The following FRMD4A variants were observed in gnomAD, a reference collection of about 807,000 sequenced individuals.
FRMD4A encodes the protein FERM domain containing 4A, also known as FERM domain-containing protein 4A.
FRMD4A carries 29 observed loss-of-function variants against 129.1 expected under a neutral mutation model. The ratio of observed to expected loss-of-function variants is 0.22; its 90% CI spans 0.17 to 0.31. The LOEUF (loss-of-function observed/expected upper bound fraction) is 0.31, where lower values mean the gene tolerates loss of function less well. Among genes scored for constraint, FRMD4A ranks in the 10% least tolerant of loss-of-function variants. FRMD4A has a pLI of 1.00. For missense variants in FRMD4A, 1,272 were observed against 1,375.8 expected (o/e 0.92, Z 1.19); for synonymous variants, 634 against 571.6 (o/e 1.11, Z -1.56).
At chr10:13,672,821 C>T (rs912702855) in intron 16 of FRMD4A, among the ~76,000 whole-genome samples, 2 of 152,128 alleles carry the variant, frequency 1.3e-5, no homozygotes, top group Admixed American at 1.3e-4. Flanking sequence ...AGACCTCCCC[C>T]CAGCCCTTGA....
In FRMD4A at chr10:14,152,117, C is replaced by CTTT. The variant is rs36023583; in HGVS notation, c.45+177938_45+177940dup. 1.3e-3 allele frequency among the ~76,000 whole-genome samples: 68 copies of CTTT among 54,152 alleles called. 13 individuals are homozygous for CTTT. The highest frequency in any genetic ancestry group is 4.2e-3 in the East Asian group (6 of 1,430). The allele number at this position is 54,152 out of a possible 152,430, so 35.5% of individuals were successfully genotyped here. On this transcript the variant is annotated intron_variant, in intron 2 of 24. Coordinates refer to ENST00000357447, the MANE Select transcript of FRMD4A (RefSeq NM_018027.5). ...CAAAGCAGGATATGTTTGTGTAGTG[C>CTTT]TTTTTTTTTTTTTTTTTTTTTTTTT...
At chr10:14,328,160 C>G (rs1002008543) in intron 2 of FRMD4A, among the ~76,000 whole-genome samples, 2 of 152,084 alleles carry the variant, frequency 1.3e-5, no homozygotes, top group Non-Finnish European at 2.9e-5. Flanking sequence ...ATCAAACGGT[C>G]CATCAGGGTG....
chr10:13,671,378 C>T (rs1423087077), intron 16 of FRMD4A, among the ~76,000 whole-genome samples: 2 of 152,058 alleles, frequency 1.3e-5, no homozygotes, highest in African/African-American at 2.4e-5. Context: ...CGCTTGAACC[C>T]GGGAGGCGGA....
At chr10:13,803,507 AT>A (rs34433221) in intron 4 of FRMD4A, among the ~76,000 whole-genome samples, 10,734 of 149,618 alleles carry the variant, frequency 0.072, 438 homozygotes, top group African/African-American at 0.12. Flanking sequence ...AATTAAACAA[AT>A]TTTTTTTTTT....
chr10:14,134,165 C>G (rs554426627), intron 2 of FRMD4A, among the ~76,000 whole-genome samples: 159 of 152,114 alleles, frequency 1.0e-3, no homozygotes, highest in African/African-American at 3.6e-3. Context: ...TTCTCTTTGT[C>G]TTTTTTTGTT....
chr10:13,718,543 C>T (rs1482925839), intron 12 of FRMD4A, among the ~76,000 whole-genome samples: 2 of 152,226 alleles, frequency 1.3e-5, no homozygotes, highest in East Asian at 1.9e-4. Flanking sequence ...AGGTTTCCTT[C>T]CAGAAAGAAG....
At chr10:14,153,676 G>T (rs1431124821) in intron 2 of FRMD4A, among the ~76,000 whole-genome samples, 1 of 152,164 alleles carries the variant, frequency 6.6e-6, no homozygotes, top group Non-Finnish European at 1.5e-5. Flanking sequence ...GTCTCCATGC[G>T]CCTGCTCCCC....
At chr10:13,962,332 G>A (rs1052363939) in intron 2 of FRMD4A, among the ~76,000 whole-genome samples, 2 of 152,126 alleles carry the variant, frequency 1.3e-5, no homozygotes, top group African/African-American at 4.8e-5. Context: ...GACAGTACTT[G>A]CCCCCCAGGG....
Position 13,657,875 on chromosome 10 carries a change from T to C in FRMD4A, c.2067-353A>G, listed in dbSNP as rs187133571. ...TGTTAAACCAGATAGGGCTGGGCAC[T>C]GTGGTCCACGCCTGTAATCCCAGTG... On this transcript the variant is annotated intron_variant, in intron 21 of 24. Transcript: ENST00000357447. 6.2e-3 allele frequency among the ~76,000 whole-genome samples: 934 copies of C among 151,320 alleles called. 8 individuals are homozygous for C. The highest frequency in any genetic ancestry group is 9.1e-3 in the Non-Finnish European group (617 of 67,836).
chr10:13,725,964 C>T (rs1055609744), intron 12 of FRMD4A, among the ~76,000 whole-genome samples: 3 of 152,152 alleles, frequency 2.0e-5, no homozygotes, highest in Non-Finnish European at 2.9e-5. Flanking sequence ...AAGAGAGGCA[C>T]AGGGAGGTTA....
intron 2 of FRMD4A, among the ~76,000 whole-genome samples, chr10:14,327,764 C>A (rs1206672864): frequency 6.6e-6 from 1 of 152,214 alleles, no homozygotes; most frequent in Non-Finnish European, 1.5e-5. Context: ...CTGGTATCAG[C>A]CTCCCACAGA....
At chr10:14,022,896 G>A (rs979645268) in intron 2 of FRMD4A, among the ~76,000 whole-genome samples, 2 of 152,138 alleles carry the variant, frequency 1.3e-5, no homozygotes, top group African/African-American at 4.8e-5. Flanking sequence ...ATGTATTAAT[G>A]ACTTTGTGGT....
intron 2 of FRMD4A, among the ~76,000 whole-genome samples, chr10:14,077,225 A>G (rs374009194): frequency 2.6e-5 from 4 of 152,198 alleles, no homozygotes; most frequent in South Asian, 4.1e-4. Context: ...GACAAAAAAT[A>G]TGCATTATAA....
chr10:13,901,236 G>C (rs575320201), intron 2 of FRMD4A, among the ~76,000 whole-genome samples: 1 of 152,360 alleles, frequency 6.6e-6, no homozygotes, highest in Admixed American at 6.5e-5. Flanking sequence ...CTCGTGCCTA[G>C]CACAAATAAT....
At chr10:13,932,062 T>C (rs1392254495) in intron 2 of FRMD4A, among the ~76,000 whole-genome samples, 2 of 152,218 alleles carry the variant, frequency 1.3e-5, no homozygotes, top group African/African-American at 4.8e-5. Flanking sequence ...AAATGGCCTC[T>C]TTCATTCCCA....
At chr10:14,285,820 T>C (rs1385918999) in intron 2 of FRMD4A, among the ~76,000 whole-genome samples, 2 of 152,270 alleles carry the variant, frequency 1.3e-5, no homozygotes, top group African/African-American at 2.4e-5. Context: ...CACTGCCAGC[T>C]GACTGGCAAT....
intron 2 of FRMD4A, among the ~76,000 whole-genome samples, chr10:14,050,624 T>A (rs1193426717): frequency 6.6e-6 from 1 of 151,900 alleles, no homozygotes. Context: ...GGAGTTTCAA[T>A]CCCACTCCCT....
intron 2 of FRMD4A, among the ~76,000 whole-genome samples, chr10:13,971,375 A>C (rs958481827): frequency 1.3e-5 from 2 of 152,154 alleles, no homozygotes. Flanking sequence ...CTCATCTCAA[A>C]ATGGTGACAA....
chr10:14,239,861 T>C (rs533346997), intron 2 of FRMD4A, among the ~76,000 whole-genome samples: 4 of 152,190 alleles, frequency 2.6e-5, no homozygotes, highest in Non-Finnish European at 5.9e-5. Context: ...TTGGAAATAT[T>C]CATTCACGCT....
Sources: allele counts gnomAD v4.1 joint callset (sites outside exome capture counted in the v4.1 genomes callset), GRCh38; gene constraint gnomAD v4.1.1; transcripts MANE v1.5; gene names NCBI Gene and HGNC (gene_info 2026-07-23, HGNC 2026-07-21).